The following PCDHA7 variants were observed in gnomAD, a reference collection of about 807,000 sequenced individuals.
The protein encoded by PCDHA7 is protocadherin alpha 7.
PCDHA7 carries 37 observed loss-of-function variants against 57.2 expected under a neutral mutation model. That is an observed-to-expected ratio of 0.65 (90% confidence interval 0.50 to 0.85). The LOEUF (loss-of-function observed/expected upper bound fraction) is 0.85. PCDHA7 is among the 40% of genes least tolerant of loss of function. The probability of loss-of-function intolerance (pLI) is 0.00; values close to 1 mark genes in which losing one functional copy is unlikely to be tolerated. For synonymous variants in PCDHA7, 553 were observed against 558.8 expected, an observed-to-expected ratio of 0.99 and a Z score of 0.15; for missense variants, 1,188 against 1,241.8, an observed-to-expected ratio of 0.96 and a Z score of 0.65.
At chr5:140,917,352 C>G (rs2078160172) in intron 1 of PCDHA7, among the ~76,000 whole-genome samples, 1 of 141,764 alleles carries the variant, frequency 7.1e-6, no homozygotes, top group African/African-American at 2.6e-5. Context: ...GTGTAGGCTT[C>G]TGTTCCACTA....
chr5:140,958,546 C>A (rs1366018855), intron 1 of PCDHA7, among the ~76,000 whole-genome samples: 3 of 152,034 alleles, frequency 2.0e-5, no homozygotes, highest in Non-Finnish European at 4.4e-5. Context: ...ATTTATGAAC[C>A]AATAAATGTT....
rs1382251688 is a variant in PCDHA7, at chr5:141,010,812, C to A, written c.*875C>A. The A allele has an allele frequency of 6.5e-6, 1 of 153,746 alleles. No homozygotes were observed. Among genetic ancestry groups the A allele is most frequent in the Non-Finnish European group, 1.5e-5 (1 of 68,054 alleles). The allele number at this position is 153,746 out of a possible 1,614,324, so 9.5% of individuals were successfully genotyped here. On this transcript the variant is annotated 3_prime_UTR_variant, in exon 4 of 4. Coordinates refer to ENST00000525929, the MANE Select transcript of PCDHA7 (RefSeq NM_018910.3). The stretch of plus-strand genomic sequence containing the variant: ...GCAAAAGAAAACCCCGACACCTCAC[C>A]TTTCGCTGTTTGTTGTTTCATAGAT...
intron 1 of PCDHA7, chr5:140,876,573 C>T (rs2056433061): frequency 6.2e-7 from 1 of 1,614,152 alleles, no homozygotes; most frequent in South Asian, 1.1e-5. Context: ...AGGTGGGTAC[C>T]GTCATTGCCC....
chr5:140,836,793 T>C, intron 1 of PCDHA7, 55 bp downstream of exon 1: 8 of 1,403,902 alleles, frequency 5.7e-6, no homozygotes, highest in Non-Finnish European at 7.8e-6. Flanking sequence ...GTTCAATTGG[T>C]CTCCTTAAAT....
At chr5:140,854,020 G>A (rs1303462522) in intron 1 of PCDHA7, 3 of 327,902 alleles carry the variant, frequency 9.1e-6, no homozygotes, top group East Asian at 1.7e-4. Context: ...AAATTAGCCG[G>A]GCATGGTGGC....
At chr5:140,895,267 T>G (rs2064938299) in intron 1 of PCDHA7, among the ~76,000 whole-genome samples, 1 of 152,162 alleles carries the variant, frequency 6.6e-6, no homozygotes. Flanking sequence ...TTTTTCTTAC[T>G]CAGGGATAAT....
intron 1 of PCDHA7, chr5:140,927,739 CG>C: frequency 1.2e-6 from 2 of 1,614,212 alleles, no homozygotes; most frequent in Non-Finnish European, 1.7e-6. Flanking sequence ...GCTGCGACAC[CG>C]CTTTCACGTG....
chr5:140,999,338 G>T (rs1451765927), intron 3 of PCDHA7, among the ~76,000 whole-genome samples: 2 of 152,126 alleles, frequency 1.3e-5, no homozygotes, highest in African/African-American at 2.4e-5. Context: ...TGATTTATAA[G>T]CCTTGTCTCT....
chr5:140,879,687 CA>C (rs1343612878), intron 1 of PCDHA7, among the ~76,000 whole-genome samples: 1 of 152,156 alleles, frequency 6.6e-6, no homozygotes, highest in Non-Finnish European at 1.5e-5. Context: ...TGTAAAACAG[CA>C]AAAGTTTATT....
Position 140,916,718 on chromosome 5 carries a change from G to C in PCDHA7, c.2356-62231G>C, listed in dbSNP as rs115136945. Among the ~76,000 whole-genome samples, 1,217 of 152,304 alleles carry C rather than the reference G, an allele frequency of 8.0e-3. 6 individuals are homozygous for C. Among genetic ancestry groups the C allele is most frequent in the African/African-American group, 0.019 (785 of 41,570 alleles). On this transcript the variant is annotated intron_variant, in intron 1 of 3. Coordinates refer to ENST00000525929, the MANE Select transcript of PCDHA7 (RefSeq NM_018910.3). ...CTCTCCTTAAGCAGAAGGAAGGAGTGACTTTTGTTGCTGCAAGCTTCACTG... is the reference window on the plus strand; with the variant it reads ...CTCTCCTTAAGCAGAAGGAAGGAGTCACTTTTGTTGCTGCAAGCTTCACTG...
intron 1 of PCDHA7, among the ~76,000 whole-genome samples, chr5:140,947,229 G>GA (rs201242412): frequency 9.4e-5 from 14 of 148,904 alleles, no homozygotes; most frequent in South Asian, 2.1e-4. Context: ...TTTATGACAG[G>GA]AAAAAAAAAT....
intron 1 of PCDHA7, chr5:140,867,791 C>T (rs2050146253): frequency 1.3e-5 from 2 of 152,072 alleles, no homozygotes; most frequent in African/African-American, 2.4e-5. Context: ...CTGTATTTTA[C>T]TTAGCATTTT....
At chr5:140,959,567 T>A (rs2095496193) in intron 1 of PCDHA7, among the ~76,000 whole-genome samples, 1 of 152,208 alleles carries the variant, frequency 6.6e-6, no homozygotes, top group Non-Finnish European at 1.5e-5. Context: ...AGTACTAGAT[T>A]TTTTGTTTCA....
At chr5:141,008,159 G>A (rs1352277469) in intron 3 of PCDHA7, among the ~76,000 whole-genome samples, 1 of 152,138 alleles carries the variant, frequency 6.6e-6, no homozygotes, top group East Asian at 1.9e-4. Flanking sequence ...TTGATAAGAT[G>A]AGGACTAAAA....
At chr5:140,898,471 C>G (rs1421437999) in intron 1 of PCDHA7, among the ~76,000 whole-genome samples, 1 of 152,108 alleles carries the variant, frequency 6.6e-6, no homozygotes, top group African/African-American at 2.4e-5. Flanking sequence ...GCTTGTTTTT[C>G]TCAGGTTTGT....
At chr5:141,005,562 C>T (rs928721111) in intron 3 of PCDHA7, among the ~76,000 whole-genome samples, 2 of 151,226 alleles carry the variant, frequency 1.3e-5, no homozygotes, top group Admixed American at 6.6e-5. Flanking sequence ...ATTAGCCGGG[C>T]ATGGTGGCGC....
intron 1 of PCDHA7, among the ~76,000 whole-genome samples, chr5:140,838,073 ATATAGTGTGTGTGT>A (rs1473657984): frequency 0.018 from 2,264 of 126,808 alleles, 40 homozygotes; most frequent in Admixed American, 0.045. Context: ...AGTTATATAT[ATATAGTGTGTGTGT>A]GTGTGTGTGT....
chr5:140,863,022 C>T (rs1339638342), intron 1 of PCDHA7: 3 of 554,506 alleles, frequency 5.4e-6, no homozygotes, highest in Non-Finnish European at 7.1e-6. Flanking sequence ...GCCTGGTTGT[C>T]GCAACAGCTG....
At chr5:140,863,247 C>A (rs782167324) in intron 1 of PCDHA7, 18 of 1,379,648 alleles carry the variant, frequency 1.3e-5, no homozygotes, top group Non-Finnish European at 1.6e-5. Context: ...CTTTGGCGGG[C>A]GTCGAGGTCC....
Sources: gnomAD v4.1 joint callset for allele counts (sites outside exome capture counted in the v4.1 genomes callset) on GRCh38, gnomAD v4.1.1 for gene constraint, MANE v1.5 for transcripts, NCBI Gene and HGNC (gene_info 2026-07-23, HGNC 2026-07-21) for gene names.